The following TRPM3 variants were observed in gnomAD, a reference collection of about 807,000 sequenced individuals.
TRPM3 encodes the protein long transient receptor potential channel 3.
TRPM3 carries 77 observed loss-of-function variants against 181.2 expected under a neutral mutation model. The ratio of observed to expected loss-of-function variants is 0.42; its 90% CI spans 0.35 to 0.51. The LOEUF is 0.51. Ranked by LOEUF, TRPM3 falls within the 20% of genes least tolerant of loss-of-function variation. The probability of loss-of-function intolerance (pLI) is 0.01; values close to 1 mark genes in which losing one functional copy is unlikely to be tolerated. For missense variants in TRPM3, 1,759 were observed against 2,196.7 expected, an observed-to-expected ratio of 0.80 and a Z score of 3.98; for synonymous variants, 745 against 796.4, an observed-to-expected ratio of 0.94 and a Z score of 1.09.
intron 1 of TRPM3, among the ~76,000 whole-genome samples, chr9:71,302,100 T>C (rs898106311): frequency 6.6e-6 from 1 of 152,140 alleles, no homozygotes; most frequent in Admixed American, 6.6e-5. Context: ...ATGTATAATT[T>C]AGTGTCGCAA....
At chr9:70,698,085 G>A (rs1207828153) in intron 8 of TRPM3, among the ~76,000 whole-genome samples, 1 of 151,916 alleles carries the variant, frequency 6.6e-6, no homozygotes, top group Non-Finnish European at 1.5e-5. Context: ...GCATCAGCTT[G>A]TAGTCCCAGC....
chr9:70,739,001 C>A (rs1244863191), intron 8 of TRPM3, among the ~76,000 whole-genome samples: 2 of 151,928 alleles, frequency 1.3e-5, no homozygotes, highest in East Asian at 3.9e-4. Context: ...AAATTGCCAA[C>A]CAAGAAAACT....
At chr9:71,232,917 C>T (rs1236940033) in intron 1 of TRPM3, among the ~76,000 whole-genome samples, 1 of 152,110 alleles carries the variant, frequency 6.6e-6, no homozygotes, top group Non-Finnish European at 1.5e-5. Context: ...CATTCCAGTC[C>T]CCGTTTTCAC....
chr9:71,086,714 C>T (rs1480133813), intron 1 of TRPM3, among the ~76,000 whole-genome samples: 1 of 151,918 alleles, frequency 6.6e-6, no homozygotes, highest in Non-Finnish European at 1.5e-5. Flanking sequence ...GAAAACTGTG[C>T]CTCTGCCTAA....
chr9:71,374,719 T>C (rs1367266676), intron 1 of TRPM3, among the ~76,000 whole-genome samples: 3 of 152,134 alleles, frequency 2.0e-5, no homozygotes, highest in Admixed American at 6.5e-5. Context: ...GCCCAAAAGC[T>C]CCTTAAGCTG....
At chr9:70,951,946 G>A (rs1304557265) in intron 1 of TRPM3, among the ~76,000 whole-genome samples, 2 of 152,176 alleles carry the variant, frequency 1.3e-5, no homozygotes, top group Non-Finnish European at 2.9e-5. Context: ...CTCTGAGGCA[G>A]ACAATAATGC....
intron 1 of TRPM3, among the ~76,000 whole-genome samples, chr9:70,984,360 T>C (rs2097398135): frequency 6.6e-6 from 1 of 152,244 alleles, no homozygotes; most frequent in Non-Finnish European, 1.5e-5. Context: ...GGCAGTGTTG[T>C]AATAATGCAA....
chr9:70,822,402 A>G (rs146595599), intron 6 of TRPM3, among the ~76,000 whole-genome samples: 21 of 152,312 alleles, frequency 1.4e-4, no homozygotes, highest in African/African-American at 4.6e-4. Context: ...TGAATGCTCA[A>G]TTCAATAGCA....
At chr9:71,424,922 A>G (rs1174718461) in intron 1 of TRPM3, among the ~76,000 whole-genome samples, 1 of 152,036 alleles carries the variant, frequency 6.6e-6, no homozygotes, top group Non-Finnish European at 1.5e-5. Context: ...TCTTGTCCCT[A>G]TTACTATAGC....
chr9:70,868,725 G>C (rs145347951), intron 1 of TRPM3, among the ~76,000 whole-genome samples: 23 of 152,028 alleles, frequency 1.5e-4, no homozygotes, highest in Admixed American at 5.2e-4. Flanking sequence ...TGCAAGATTA[G>C]GAAAAAGGGT....
chr9:71,050,684 A>G (rs1213175779), intron 1 of TRPM3, among the ~76,000 whole-genome samples: 1 of 152,240 alleles, frequency 6.6e-6, no homozygotes, highest in Non-Finnish European at 1.5e-5. Flanking sequence ...ACATACCTGT[A>G]CATTCGAAAC....
At chr9:70,742,751 T>C (rs11142561) in intron 8 of TRPM3, among the ~76,000 whole-genome samples, 33,349 of 152,152 alleles carry the variant, frequency 0.22, 4,495 homozygotes, top group Non-Finnish European at 0.3. Context: ...GTAACAGTTG[T>C]CCTGCCTACC....
intron 1 of TRPM3, among the ~76,000 whole-genome samples, chr9:71,390,180 C>T (rs1439447257): frequency 3.3e-5 from 5 of 151,744 alleles, no homozygotes; most frequent in African/African-American, 7.3e-5. Flanking sequence ...TAAATATGCA[C>T]GGATAGATTC....
intron 1 of TRPM3, among the ~76,000 whole-genome samples, chr9:70,886,866 T>C (rs1054588460): frequency 1.3e-5 from 2 of 152,128 alleles, no homozygotes; most frequent in African/African-American, 4.8e-5. Context: ...GGTTTCACCA[T>C]GTTGGCCAAG....
intron 7 of TRPM3, among the ~76,000 whole-genome samples, chr9:70,763,794 T>C (rs768802973): frequency 6.6e-6 from 1 of 152,092 alleles, no homozygotes; most frequent in Non-Finnish European, 1.5e-5. Context: ...TCAACCATGA[T>C]TGTCAGTGGA....
rs77320593 is a variant in TRPM3, at chr9:71,034,549, G to T, written c.177+86629C>A. Among the ~76,000 whole-genome samples the T allele has an allele frequency of 5.0e-3, 753 of 152,082 alleles. 19 individuals are homozygous for T. In the East Asian group the frequency reaches 0.078, roughly 16 times the overall value. ...CTCTAATATCTAGGGTGTAAGGGTGGGGTGTGCAGCAGTTAAATGATATAC... is the reference window on the plus strand; with the variant it reads ...CTCTAATATCTAGGGTGTAAGGGTGTGGTGTGCAGCAGTTAAATGATATAC... On this transcript the variant is annotated intron_variant, in intron 1 of 25. Transcript: ENST00000677713.
chr9:71,370,132 T>A (rs2092463956), intron 1 of TRPM3, among the ~76,000 whole-genome samples: 1 of 152,140 alleles, frequency 6.6e-6, no homozygotes, highest in South Asian at 2.1e-4. Context: ...TTCTCTTCCA[T>A]CCTCTGTTTC....
intron 1 of TRPM3, among the ~76,000 whole-genome samples, chr9:71,391,529 C>T (rs1488054874): frequency 6.6e-6 from 1 of 151,936 alleles, no homozygotes; most frequent in African/African-American, 2.4e-5. Flanking sequence ...ACTTTTTAAG[C>T]TCAATTTATA....
intron 1 of TRPM3, among the ~76,000 whole-genome samples, chr9:71,188,855 T>C (rs2077841259): frequency 6.6e-6 from 1 of 151,884 alleles, no homozygotes; most frequent in African/African-American, 2.4e-5. Context: ...GAAACAAGGA[T>C]TAAATAAGAG....
Sources: allele counts gnomAD v4.1 joint callset (sites outside exome capture counted in the v4.1 genomes callset), GRCh38; gene constraint gnomAD v4.1.1; transcripts MANE v1.5; gene names NCBI Gene and HGNC (gene_info 2026-07-23, HGNC 2026-07-21).